The following ASIC2 variants were observed in gnomAD, a reference collection of about 807,000 sequenced individuals.
The protein encoded by ASIC2 is acid sensing ion channel subunit 2, also known as acid-sensing ion channel 2.
In ASIC2, 25 loss-of-function variants were observed where a neutral mutation model predicts 57.3. The observed-to-expected ratio is 0.44, with a 90% CI of 0.32 to 0.61. The LOEUF (loss-of-function observed/expected upper bound fraction) is 0.61, where lower values mean the gene tolerates loss of function less well. ASIC2 is among the 20% of genes least tolerant of loss of function. ASIC2 has a pLI of 0.06. For missense variants in ASIC2, 641 were observed against 738.1 expected (o/e 0.87, Z 1.52); for synonymous variants, 319 against 307.5 (o/e 1.04, Z -0.39).
chr17:34,023,302 G>T (rs1301993949), intron 1 of ASIC2, among the ~76,000 whole-genome samples: 1 of 149,898 alleles, frequency 6.7e-6, no homozygotes, highest in Non-Finnish European at 1.5e-5. Context: ...GTAATTCTTG[G>T]CTCTTTAGGA....
intron 1 of ASIC2, among the ~76,000 whole-genome samples, chr17:33,855,344 G>A (rs182775149): frequency 6.6e-6 from 1 of 152,128 alleles, no homozygotes; most frequent in African/African-American, 2.4e-5. Context: ...AGAGTTGGAC[G>A]CAATTCTTGG....
At chr17:33,534,826 G>A (rs1271192803) in intron 1 of ASIC2, among the ~76,000 whole-genome samples, 2 of 152,204 alleles carry the variant, frequency 1.3e-5, no homozygotes, top group African/African-American at 2.4e-5. Context: ...CATTCTCTGT[G>A]TATGAATGCT....
At chr17:33,623,181 A>C (rs926603337) in intron 1 of ASIC2, among the ~76,000 whole-genome samples, 5 of 152,138 alleles carry the variant, frequency 3.3e-5, no homozygotes, top group African/African-American at 9.7e-5. Flanking sequence ...GGCTGGCTCC[A>C]AGAGTTCTGT....
chr17:33,564,561 AG>A (rs760133568), intron 1 of ASIC2, among the ~76,000 whole-genome samples: 6 of 152,232 alleles, frequency 3.9e-5, no homozygotes, highest in Non-Finnish European at 7.3e-5. Flanking sequence ...GAATATCCAA[AG>A]GTTGCAGAGG....
intron 1 of ASIC2, among the ~76,000 whole-genome samples, chr17:34,126,802 T>C (rs1238942884): frequency 2.0e-5 from 3 of 152,170 alleles, no homozygotes; most frequent in African/African-American, 7.2e-5. Flanking sequence ...AAGCTGCAGA[T>C]TCCGTTTCTG....
At chr17:33,920,660 G>A (rs76620969) in intron 1 of ASIC2, among the ~76,000 whole-genome samples, 1 of 152,184 alleles carries the variant, frequency 6.6e-6, no homozygotes, top group African/African-American at 2.4e-5. Context: ...TCAGCGTCAT[G>A]CAATATGCTC....
intron 1 of ASIC2, among the ~76,000 whole-genome samples, chr17:33,215,938 A>G (rs1049034117): frequency 6.6e-6 from 1 of 152,124 alleles, no homozygotes. Context: ...TGACCTCGTG[A>G]TCCGCCCGCC....
intron 1 of ASIC2, among the ~76,000 whole-genome samples, chr17:33,333,363 C>T (rs1334704894): frequency 6.6e-6 from 1 of 152,174 alleles, no homozygotes; most frequent in East Asian, 1.9e-4. Context: ...GTCCAGTGTT[C>T]ATATGATGAT....
chr17:33,065,893 C>G (rs866711786), intron 3 of ASIC2, among the ~76,000 whole-genome samples: 1 of 152,176 alleles, frequency 6.6e-6, no homozygotes, highest in African/African-American at 2.4e-5. Flanking sequence ...TCCACTTTGA[C>G]GGATGAGGCC....
intron 1 of ASIC2, among the ~76,000 whole-genome samples, chr17:33,814,595 G>A (rs1463794576): frequency 6.6e-6 from 1 of 152,244 alleles, no homozygotes. Flanking sequence ...CTTCTACATT[G>A]GGTGTACAAG....
intron 1 of ASIC2, among the ~76,000 whole-genome samples, chr17:33,733,811 C>T (rs767339338): frequency 8.5e-5 from 13 of 152,120 alleles, no homozygotes; most frequent in African/African-American, 1.2e-4. Context: ...GGCTAAATCC[C>T]GACCTGGCTA....
At chr17:33,043,741 C>T (rs2091938761) in intron 3 of ASIC2, among the ~76,000 whole-genome samples, 2 of 152,214 alleles carry the variant, frequency 1.3e-5, no homozygotes, top group African/African-American at 4.8e-5. Context: ...ACAGTAACCA[C>T]AACCTGCCTG....
chr17:33,765,647 A>G (rs899317924), intron 1 of ASIC2, among the ~76,000 whole-genome samples: 2 of 152,120 alleles, frequency 1.3e-5, no homozygotes, highest in African/African-American at 4.8e-5. Context: ...GTTTCTTGCC[A>G]TTTCCCCTGG....
chr17:33,623,889 T>C lies in ASIC2; in HGVS notation c.556-511822A>G, dbSNP rs1361362023. On this transcript the variant is annotated intron_variant, in intron 1 of 9. Coordinates refer to the ASIC2 transcript ENST00000359872. The stretch of plus-strand genomic sequence containing the variant: ...GAATCCAAGGCTCCAGCCCCCCACC[T>C]TCCCATCTGTCACCCTCCTCTGCCT... 6.6e-5 allele frequency among the ~76,000 whole-genome samples: 10 copies of C among 152,314 alleles called. No homozygotes were observed. In the East Asian group the frequency reaches 1.9e-3, roughly 29 times the overall value.
At chr17:33,575,870 A>C (rs1275761114) in intron 1 of ASIC2, among the ~76,000 whole-genome samples, 1 of 152,208 alleles carries the variant, frequency 6.6e-6, no homozygotes, top group Non-Finnish European at 1.5e-5. Flanking sequence ...CCAAGAGAGC[A>C]AACGCCCCAC....
At chr17:33,533,043 T>C (rs1915102580) in intron 1 of ASIC2, among the ~76,000 whole-genome samples, 1 of 152,194 alleles carries the variant, frequency 6.6e-6, no homozygotes, top group South Asian at 2.1e-4. Context: ...CTCTCCATGA[T>C]CTGATTCTAA....
chr17:33,184,657 C>T (rs1480328521), intron 1 of ASIC2, among the ~76,000 whole-genome samples: 1 of 152,208 alleles, frequency 6.6e-6, no homozygotes, highest in Non-Finnish European at 1.5e-5. Context: ...CTCAACTCCA[C>T]TTCCATCCTT....
chr17:33,707,799 G>A (rs144924594), intron 1 of ASIC2, among the ~76,000 whole-genome samples: 1 of 152,146 alleles, frequency 6.6e-6, no homozygotes, highest in African/African-American at 2.4e-5. Context: ...GCAGCTTCAT[G>A]GGCATGCACC....
intron 1 of ASIC2, among the ~76,000 whole-genome samples, chr17:33,168,729 C>T (rs1433111605): frequency 1.3e-5 from 2 of 152,034 alleles, no homozygotes; most frequent in African/African-American, 2.4e-5. Context: ...TACTTTTAAC[C>T]ACAAATAGTA....
Sources: gnomAD v4.1 joint callset for allele counts (sites outside exome capture counted in the v4.1 genomes callset) on GRCh38, gnomAD v4.1.1 for gene constraint, MANE v1.5 for transcripts, NCBI Gene and HGNC (gene_info 2026-07-23, HGNC 2026-07-21) for gene names.